Variants in IGLL5 observed in about 807,000 individuals in gnomAD.
The protein encoded by IGLL5 is immunoglobulin lambda-like polypeptide 5.
A neutral mutation model predicts 20.9 loss-of-function variants in IGLL5; 30 were observed. The ratio of observed to expected loss-of-function variants is 1.44; its 90% CI spans 1.07 to 1.95. The LOEUF is 1.95. Among genes scored for constraint, IGLL5 ranks in the 30% most tolerant of loss-of-function variants. The probability of loss-of-function intolerance (pLI) is 0.00; values close to 1 mark genes in which losing one functional copy is unlikely to be tolerated. For missense variants in IGLL5, 475 were observed against 270.7 expected (o/e 1.75, Z -5.30); for synonymous variants, 203 against 117.3 (o/e 1.73, Z -4.72).
intron 1 of IGLL5, among the ~76,000 whole-genome samples, chr22:22,888,556 G>T (rs146118968): frequency 6.6e-6 from 1 of 151,360 alleles, no homozygotes. Context: ...GGGTAGGGAA[G>T]GAACAGAGGC....
rs2066745002 is a variant in IGLL5 at position 22,895,403 on chromosome 22, T to C, written c.354T>C (p.Thr118=). The change falls in exon 3 of 3, where the codon ACT becomes ACC. Residue 118 remains threonine, a synonymous_variant. Transcript: ENST00000526893. ...AGCCCAAGGCCAACCCCACTGTCACTCTGTTCCCGCCCTCCTCTGAGGAGC... is the reference window on the plus strand; with the variant it reads ...AGCCCAAGGCCAACCCCACTGTCACCCTGTTCCCGCCCTCCTCTGAGGAGC... ...LGQPKANPTV[T]LFPPSSEELQ... The C allele has an allele frequency of 6.2e-7, 1 of 1,612,814 alleles. No individual in the cohort carries two copies. The highest frequency in any genetic ancestry group is 2.2e-5 in the East Asian group (1 of 44,680).
intron 2 of IGLL5, 36 bp downstream of exon 2, chr22:22,893,854 C>G (rs556625538): frequency 2.2e-6 from 3 of 1,353,358 alleles, no homozygotes; most frequent in East Asian, 2.3e-5. Context: ...CCTGTCTCAC[C>G]CTCTGCTGTC....
intron 2 of IGLL5, among the ~76,000 whole-genome samples, chr22:22,894,068 C>G (rs2067976580): frequency 1.3e-5 from 2 of 151,482 alleles, no homozygotes; most frequent in African/African-American, 4.8e-5. Context: ...CAGGGCTCCT[C>G]CTCTCTTCCA....
intron 1 of IGLL5, 132 bp downstream of exon 1, chr22:22,888,391 T>A (rs2067590721): frequency 2.8e-6 from 2 of 703,784 alleles, no homozygotes; most frequent in Admixed American, 2.9e-5. Context: ...GACACTGGCT[T>A]TAGTAATGGG....
chr22:22,894,665 G>A (rs1272191408), intron 2 of IGLL5, among the ~76,000 whole-genome samples: 5 of 151,314 alleles, frequency 3.3e-5, no homozygotes, highest in East Asian at 2.0e-4. Flanking sequence ...GTCATCACAG[G>A]CTGCTGGGGT....
Position 22,891,229 on chromosome 22 carries a change from A to AT in IGLL5, c.207-2462dup, listed in dbSNP as rs374829288. Among the ~76,000 whole-genome samples the AT allele has an allele frequency of 2.6e-3, 392 of 149,274 alleles. 1 individual carries two copies. The highest frequency in any genetic ancestry group is 9.0e-3 in the African/African-American group (365 of 40,650). On this transcript the variant is annotated intron_variant, in intron 1 of 2. Coordinates refer to ENST00000526893, the MANE Select transcript of IGLL5 (RefSeq NM_001178126.2). ...GGTACTTTTGGTGTATTGGTGTTTTATTTTTTTTTCTTTACTTCCCCTGGA... is the reference window on the plus strand; with the variant it reads ...GGTACTTTTGGTGTATTGGTGTTTTATTTTTTTTTTCTTTACTTCCCCTGGA...
At chr22:22,890,853 A>T (rs2146011260) in intron 1 of IGLL5, among the ~76,000 whole-genome samples, 1 of 151,066 alleles carries the variant, frequency 6.6e-6, no homozygotes, top group African/African-American at 2.4e-5. Flanking sequence ...GTATTTTATT[A>T]CTGGTGAAAT....
intron 1 of IGLL5, among the ~76,000 whole-genome samples, chr22:22,889,436 A>G (rs184443786): frequency 1.3e-5 from 2 of 151,318 alleles, no homozygotes; most frequent in East Asian, 2.0e-4. Flanking sequence ...CTAGGAATTT[A>G]TCCTAAGGGT....
At chr22:22,889,037 C>T (rs2067678498) in intron 1 of IGLL5, among the ~76,000 whole-genome samples, 3 of 151,330 alleles carry the variant, frequency 2.0e-5, no homozygotes, top group South Asian at 2.1e-4. Flanking sequence ...GGTCCGTGCA[C>T]CATTCCCAGT....
chr22:22,890,389 T>C (rs1569083532), intron 1 of IGLL5, among the ~76,000 whole-genome samples: 1 of 149,988 alleles, frequency 6.7e-6, no homozygotes, highest in African/African-American at 2.4e-5. Flanking sequence ...AGCCATATTC[T>C]GCATATTACC....
Position 22,895,792 on chromosome 22 carries a change from C to T in IGLL5, c.*98C>T, listed in dbSNP as rs529099131. The T allele has an allele frequency of 9.0e-7, 1 of 1,108,378 alleles. No individual in the cohort carries two copies. 68.7% of individuals were successfully genotyped at this position (1,108,378 alleles called of 1,614,324 possible). On this transcript the variant is annotated 3_prime_UTR_variant, in exon 3 of 3. Coordinates refer to ENST00000526893, the MANE Select transcript of IGLL5 (RefSeq NM_001178126.2). ...CCAAGTCATCCAGCCCTTCTCCCTG[C>T]ACTCATGAAACCCCAATAAATATCC...
At position 22,888,557 on chromosome 22, in the gene IGLL5, G is replaced by A. The variant is rs60549812; in HGVS notation, c.206+298G>A. ...AGTCCTAGTCCTCTGGGTAGGGAAG[G>A]AACAGAGGCAGGGACAGGACATCCA... On this transcript the variant is annotated intron_variant, in intron 1 of 2. Coordinates refer to ENST00000526893, the MANE Select transcript of IGLL5 (RefSeq NM_001178126.2). Among the ~76,000 whole-genome samples, 34 of 151,174 alleles carry A rather than the reference G, an allele frequency of 2.2e-4. 1 individual carries two copies. Among genetic ancestry groups the A allele is most frequent in the Middle Eastern group, 3.7e-3 (1 of 268 alleles).
intron 1 of IGLL5, among the ~76,000 whole-genome samples, chr22:22,888,534 T>C (rs574527826): frequency 4.0e-5 from 6 of 151,370 alleles, no homozygotes; most frequent in South Asian, 4.2e-4. Context: ...AATCACCTAG[T>C]CCTAGTCCTC....
chr22:22,894,203 C>CTTTT, intron 2 of IGLL5, among the ~76,000 whole-genome samples: 1 of 151,178 alleles, frequency 6.6e-6, no homozygotes, highest in Non-Finnish European at 1.5e-5. Flanking sequence ...CTGGGAGCTG[C>CTTTT]TGAGTCTCAT....
intron 1 of IGLL5, among the ~76,000 whole-genome samples, chr22:22,888,891 G>A (rs559891790): frequency 2.0e-5 from 3 of 151,380 alleles, no homozygotes; most frequent in Admixed American, 1.3e-4. Flanking sequence ...TGATGCCCAG[G>A]CTGGTCTCAC....
In IGLL5 at chr22:22,893,945, A is replaced by G. The variant is rs577519928; in HGVS notation, c.325+127A>G. 4.1e-5 allele frequency: 30 copies of G among 736,544 alleles called. 1 individual carries two copies. The highest frequency in any genetic ancestry group is 1.4e-4 in the Admixed American group (7 of 49,924). The allele number at this position is 736,544 out of a possible 1,614,324, so 45.6% of individuals were successfully genotyped here. On this transcript the variant is annotated intron_variant, in intron 2 of 2. Transcript: ENST00000526893. ...TAAGCACTGACCCTTACCTTTCTCC[A>G]TGGGGCCTGGAGGAGGTGCATTAGT... is the stretch of plus-strand genomic sequence containing the variant.
rs2066694797 is a variant in IGLL5 at position 22,894,763 on chromosome 22, A to T, written c.326-612A>T. Among the ~76,000 whole-genome samples the T allele has an allele frequency of 1.3e-5, 2 of 151,132 alleles. 1 individual carries two copies. The highest frequency in any genetic ancestry group is 1.3e-4 in the Admixed American group (2 of 15,102). On this transcript the variant is annotated intron_variant, in intron 2 of 2. Coordinates refer to ENST00000526893, the MANE Select transcript of IGLL5 (RefSeq NM_001178126.2). The stretch of plus-strand genomic sequence containing the variant: ...GGGTTCTGTGGTCGGGCTTGTGGAG[A>T]CAGGAAACATCTCAGAGCCTCAGAG...
chr22:22,888,392 T>C (rs563535096), intron 1 of IGLL5, 133 bp downstream of exon 1: 19 of 689,706 alleles, frequency 2.8e-5, no homozygotes, highest in Admixed American at 8.8e-5. Flanking sequence ...ACACTGGCTT[T>C]AGTAATGGGT....
intron 2 of IGLL5, among the ~76,000 whole-genome samples, chr22:22,894,115 G>A (rs538769086): frequency 3.3e-5 from 5 of 151,432 alleles, no homozygotes; most frequent in Middle Eastern, 7.5e-3. Context: ...GGCTGGTTCT[G>A]ATGAGGGGCC....
Sources: allele counts gnomAD v4.1 joint callset (sites outside exome capture counted in the v4.1 genomes callset), GRCh38; gene constraint gnomAD v4.1.1; transcripts MANE v1.5; gene names NCBI Gene and HGNC (gene_info 2026-07-23, HGNC 2026-07-21).